DDI2: variants seen among roughly 807,000 people sequenced by gnomAD.
DDI2 encodes the protein protein DDI1 homolog 2.
A neutral mutation model predicts 48.1 loss-of-function variants in DDI2; 5 were observed. The observed-to-expected ratio is 0.10, with a 90% CI of 0.05 to 0.22. The LOEUF (loss-of-function observed/expected upper bound fraction) is 0.22. Among genes scored for constraint, DDI2 ranks in the 10% least tolerant of loss-of-function variants. The pLI is 1.00. For missense variants in DDI2, 285 were observed against 506.2 expected (o/e 0.56, Z 4.19); for synonymous variants, 205 against 183.6 (o/e 1.12, Z -0.94).
intron 3 of DDI2, among the ~76,000 whole-genome samples, chr1:15,632,928 TTTTAAA>T (rs1226274330): frequency 2.5e-5 from 3 of 121,510 alleles, no homozygotes; most frequent in South Asian, 2.6e-4. Context: ...TTTTTTTTTT[TTTTAAA>T]AAAAAAAAAA....
chr1:15,658,679 G>A (rs894577095), intron 9 of DDI2, among the ~76,000 whole-genome samples: 13 of 151,786 alleles, frequency 8.6e-5, no homozygotes, highest in African/African-American at 2.7e-4. Context: ...GCTTGGACCC[G>A]GGAGGCGGAG....
chr1:15,627,049 G>C (rs780205354), intron 2 of DDI2: 4 of 478,374 alleles, frequency 8.4e-6, no homozygotes, highest in Non-Finnish European at 1.5e-5. Context: ...TAAAATCTTA[G>C]CACACAGCAA....
intron 6 of DDI2, among the ~76,000 whole-genome samples, chr1:15,648,366 A>G (rs939160285): frequency 6.6e-6 from 1 of 152,220 alleles, no homozygotes; most frequent in Non-Finnish European, 1.5e-5. Flanking sequence ...AACCTAAATA[A>G]AAGGAAAGCT....
rs1640389335 is a variant in DDI2, at chr1:15,661,891, A to G, written c.*2101A>G. On this transcript the variant is annotated 3_prime_UTR_variant, in exon 10 of 10. Transcript: ENST00000480945. ...AGATTTTTTTCGGCCAAAGTAATTT[A>G]TGATCTTTTGTCTGATGAATTTGTC... The G allele has an allele frequency of 2.0e-6, 2 of 981,442 alleles. No individual in the cohort carries two copies. Among genetic ancestry groups the G allele is most frequent in the African/African-American group, 1.7e-5 (1 of 60,330 alleles). 60.8% of individuals were successfully genotyped at this position (981,442 alleles called of 1,614,324 possible). A position where few individuals can be genotyped will look rare whatever the true frequency, so the allele number is the denominator to read the frequency against.
chr1:15,621,314 G>A (rs1441918430), intron 1 of DDI2, among the ~76,000 whole-genome samples: 6 of 152,226 alleles, frequency 3.9e-5, no homozygotes, highest in African/African-American at 7.2e-5. Context: ...TCAAATGAAA[G>A]GCAAATAATA....
At chr1:15,619,710 C>T (rs983796706) in intron 1 of DDI2, among the ~76,000 whole-genome samples, 14 of 152,222 alleles carry the variant, frequency 9.2e-5, no homozygotes, top group Non-Finnish European at 1.5e-4. Flanking sequence ...GTCTGCCCGC[C>T]TCGGCCTTCC....
At chr1:15,637,093 G>A (rs1639941648) in intron 4 of DDI2, among the ~76,000 whole-genome samples, 1 of 152,176 alleles carries the variant, frequency 6.6e-6, no homozygotes, top group African/African-American at 2.4e-5. Flanking sequence ...AAAGGAGATT[G>A]ATTCATGCTG....
chr1:15,660,104 A>C lies in DDI2; in HGVS notation c.*314A>C. 1 of 1,614,154 alleles carries C rather than the reference A, an allele frequency of 6.2e-7. No individual in the cohort carries two copies. Among genetic ancestry groups the C allele is most frequent in the South Asian group, 1.1e-5 (1 of 91,080 alleles). ...CATCTTTCTTTACAAGATCTTTCTG[A>C]TCATGCTTCCTCAGCAGACCATGCT... On this transcript the variant is annotated 3_prime_UTR_variant, in exon 10 of 10. Coordinates refer to ENST00000480945, the MANE Select transcript of DDI2 (RefSeq NM_032341.5).
chr1:15,630,295 T>G (rs752896869), intron 2 of DDI2, 30 bp from the exon 3 acceptor site: 6 of 1,607,538 alleles, frequency 3.7e-6, no homozygotes, highest in Non-Finnish European at 4.3e-6. Context: ...TAGAGTAATT[T>G]GAGTAAACTG....
rs773351875 is a variant in DDI2 at position 15,633,412 on chromosome 1, T to A, written c.506-27T>A. The stretch of plus-strand genomic sequence containing the variant: ...TAAACGTTGAAAATATAGTGATATT[T>A]AAGATTTTTCTCCCTTATTTTTGTA... On this transcript the variant is annotated intron_variant, in intron 3 of 9. Coordinates refer to ENST00000480945, the MANE Select transcript of DDI2 (RefSeq NM_032341.5). 6.2e-6 allele frequency: 10 copies of A among 1,608,002 alleles called. No homozygotes were observed. The African/African-American group carries it at 6.7e-5, about 11-fold the overall frequency.
rs775697386 is a variant in DDI2, at chr1:15,668,459, G to T, written c.*8669G>T. ...TATATTGATTGAATTTTATTTTTTC[G>T]CTTTGTATCTACAACAGAAATTGAT... On this transcript the variant is annotated 3_prime_UTR_variant, in exon 10 of 10. Transcript: ENST00000480945. The T allele has an allele frequency of 5.9e-5, 9 of 151,816 alleles. No homozygotes were observed. Among genetic ancestry groups the T allele is most frequent in the African/African-American group, 2.2e-4 (9 of 41,308 alleles). 9.4% of individuals were successfully genotyped at this position (151,816 alleles called of 1,614,324 possible). A position where few individuals can be genotyped will look rare whatever the true frequency, so the allele number is the denominator to read the frequency against.
chr1:15,638,310 A>G lies in DDI2; in HGVS notation c.636A>G (p.Gln212=), dbSNP rs755534501. The part of the protein sequence containing the change: ...AQAKIEEDIR[Q]QNIEENMTIA... ...CCCTGGTCTTGTTCTGTTACAGGCA[A>G]CAGAACATTGAGGAAAACATGACAA... The change falls in exon 5 of 10, where the codon CAA becomes CAG. Residue 212 remains glutamine, a synonymous_variant. Coordinates refer to ENST00000480945, the MANE Select transcript of DDI2 (RefSeq NM_032341.5). 6.2e-6 allele frequency: 10 copies of G among 1,613,706 alleles called. No individual in the cohort carries two copies. In the East Asian group the frequency reaches 2.0e-4, roughly 32 times the overall value.
intron 1 of DDI2, among the ~76,000 whole-genome samples, chr1:15,619,204 CCA>C (rs1324830243): frequency 1.3e-5 from 2 of 151,512 alleles, no homozygotes; most frequent in Non-Finnish European, 2.9e-5. Flanking sequence ...CACTGCAACC[CCA>C]GTCTCCCGGG....
intron 1 of DDI2, among the ~76,000 whole-genome samples, chr1:15,619,697 G>T (rs1639626858): frequency 1.3e-5 from 2 of 149,876 alleles, no homozygotes; most frequent in African/African-American, 4.9e-5. Context: ...TCCTGACCTC[G>T]TGGTCTGCCC....
chr1:15,652,718 G>T (rs562346353), intron 8 of DDI2, among the ~76,000 whole-genome samples: 131 of 152,180 alleles, frequency 8.6e-4, no homozygotes, highest in African/African-American at 3.0e-3. Flanking sequence ...AGCTACTCAG[G>T]AGGCTGAGGC....
intron 8 of DDI2, among the ~76,000 whole-genome samples, chr1:15,653,398 T>C (rs1640223962): frequency 6.6e-6 from 1 of 152,046 alleles, no homozygotes; most frequent in African/African-American, 2.4e-5. Flanking sequence ...TCCTCTCGCC[T>C]CCGCCTCCCA....
intron 1 of DDI2, among the ~76,000 whole-genome samples, chr1:15,620,235 C>G (rs1557610453): frequency 1.3e-5 from 2 of 152,040 alleles, no homozygotes; most frequent in East Asian, 3.9e-4. Context: ...TCTGTTGGCT[C>G]CATTGTAACC....
rs1373072688 is a variant in DDI2, at chr1:15,668,527, A to G, written c.*8737A>G. The G allele has an allele frequency of 6.6e-6, 1 of 152,204 alleles. No individual in the cohort carries two copies. The highest frequency in any genetic ancestry group is 1.5e-5 in the Non-Finnish European group (1 of 68,028). 9.4% of individuals were successfully genotyped at this position (152,204 alleles called of 1,614,324 possible). Reference sequence around the variant, plus strand: ...AAATCTCTTCATGGCAAGTTGGGCTAATGGACTTTGCACTCAAGAAAGGTT... The same window carrying G: ...AAATCTCTTCATGGCAAGTTGGGCTGATGGACTTTGCACTCAAGAAAGGTT... On this transcript the variant is annotated 3_prime_UTR_variant, in exon 10 of 10. Coordinates refer to ENST00000480945, the MANE Select transcript of DDI2 (RefSeq NM_032341.5).
chr1:15,656,807 C>G, intron 9 of DDI2, 128 bp downstream of exon 9: 1 of 1,306,092 alleles, frequency 7.7e-7, no homozygotes, highest in African/African-American at 1.5e-5. Flanking sequence ...CTGGTTACAA[C>G]TAGCCTATAT....
Sources: allele counts gnomAD v4.1 joint callset (sites outside exome capture counted in the v4.1 genomes callset), GRCh38; gene constraint gnomAD v4.1.1; transcripts MANE v1.5; gene names NCBI Gene and HGNC (gene_info 2026-07-23, HGNC 2026-07-21).